Variants in GALNT13 observed in about 807,000 individuals in gnomAD.
GALNT13 encodes UDP-GalNAc:polypeptide N-acetylgalactosaminyltransferase 13.
GALNT13 carries 28 observed loss-of-function variants against 64.2 expected under a neutral mutation model. The ratio of observed to expected loss-of-function variants is 0.44; its 90% CI spans 0.32 to 0.60. GALNT13 has a LOEUF of 0.60. Among genes scored for constraint, GALNT13 ranks in the 20% least tolerant of loss-of-function variants. GALNT13 has a pLI of 0.05. For missense variants in GALNT13, 577 were observed against 669.8 expected (o/e 0.86, Z 1.53); for synonymous variants, 214 against 224.6 (o/e 0.95, Z 0.42).
At chr2:153,208,973 CTTTT>C in the GALNT13 span, among the ~76,000 whole-genome samples, 143 of 74,688 alleles carry the variant, frequency 1.9e-3, 5 homozygotes, top group African/African-American at 7.3e-3. Context: ...TGGTTTTGGT[CTTTT>C]TTTTTTTTTT....
At chr2:153,402,012 C>A in the GALNT13 span, among the ~76,000 whole-genome samples, 1 of 145,644 alleles carries the variant, frequency 6.9e-6, no homozygotes, top group African/African-American at 2.6e-5. Flanking sequence ...GATGCAGTTT[C>A]TTCCTAGTCT....
At chr2:154,342,407 C>CTG (rs1695820871) in intron 9 of GALNT13, among the ~76,000 whole-genome samples, 1 of 152,022 alleles carries the variant, frequency 6.6e-6, no homozygotes, top group Admixed American at 6.6e-5. Context: ...CTCTAAATTT[C>CTG]AGTATATGTG....
the GALNT13 span, among the ~76,000 whole-genome samples, chr2:153,780,089 C>T: frequency 6.6e-6 from 1 of 151,764 alleles, no homozygotes; most frequent in Non-Finnish European, 1.5e-5. Context: ...TGAATACACT[C>T]TTATAAAGTA....
intron 2 of GALNT13, among the ~76,000 whole-genome samples, chr2:153,903,002 A>G (rs1441713368): frequency 6.6e-6 from 1 of 152,100 alleles, no homozygotes; most frequent in East Asian, 1.9e-4. Context: ...TCAGAGAAAC[A>G]TATTTTGTTT....
At chr2:153,129,305 C>T in the GALNT13 span, among the ~76,000 whole-genome samples, 1 of 152,144 alleles carries the variant, frequency 6.6e-6, no homozygotes, top group Non-Finnish European at 1.5e-5. Flanking sequence ...TCTAGTAGCC[C>T]TTGTGCAAGG....
the GALNT13 span, among the ~76,000 whole-genome samples, chr2:153,719,845 G>T: frequency 6.6e-6 from 1 of 151,908 alleles, no homozygotes; most frequent in South Asian, 2.1e-4. Context: ...TAGCACAGCA[G>T]TCTGAGATCA....
chr2:154,033,441 A>G (rs1698466141), intron 3 of GALNT13, among the ~76,000 whole-genome samples: 2 of 152,114 alleles, frequency 1.3e-5, no homozygotes, highest in South Asian at 2.1e-4. Context: ...TATTCAGAAT[A>G]TATAAAGAAC....
At chr2:153,246,712 A>T in the GALNT13 span, among the ~76,000 whole-genome samples, 3 of 151,936 alleles carry the variant, frequency 2.0e-5, no homozygotes, top group Admixed American at 1.3e-4. Flanking sequence ...TATAAAGACC[A>T]ATGACACCAT....
At chr2:153,457,747 TCTC>T in the GALNT13 span, among the ~76,000 whole-genome samples, 1 of 152,228 alleles carries the variant, frequency 6.6e-6, no homozygotes, top group South Asian at 2.1e-4. Flanking sequence ...TTTTCTGTGT[TCTC>T]CTAATGCTTT....
At chr2:153,152,015 A>G in the GALNT13 span, among the ~76,000 whole-genome samples, 2 of 151,628 alleles carry the variant, frequency 1.3e-5, no homozygotes, top group Admixed American at 1.3e-4. Context: ...ATGTTGGCCA[A>G]CTCTGGTAGT....
chr2:154,258,947 C>A (rs1443527443), intron 7 of GALNT13, 74 bp from the exon 8 acceptor site: 2 of 730,700 alleles, frequency 2.7e-6, no homozygotes, highest in Admixed American at 2.5e-5. Context: ...CTCAAAAATA[C>A]GTGCTACAGT....
At chr2:153,837,792 G>A in the GALNT13 span, among the ~76,000 whole-genome samples, 1 of 152,012 alleles carries the variant, frequency 6.6e-6, no homozygotes, top group Admixed American at 6.6e-5. Flanking sequence ...CCCAGAAATA[G>A]GTTTGCTGGA....
the GALNT13 span, among the ~76,000 whole-genome samples, chr2:153,532,953 T>C: frequency 6.6e-6 from 1 of 152,232 alleles, no homozygotes; most frequent in Non-Finnish European, 1.5e-5. Context: ...AGGGGATGGA[T>C]ATTCTATTCT....
chr2:153,595,224 A>G, the GALNT13 span, among the ~76,000 whole-genome samples: 4 of 151,988 alleles, frequency 2.6e-5, no homozygotes, highest in African/African-American at 9.7e-5. Context: ...ACAAAATCAA[A>G]AGAAGAAAAT....
chr2:153,574,031 G>A, the GALNT13 span, among the ~76,000 whole-genome samples: 1 of 151,416 alleles, frequency 6.6e-6, no homozygotes, highest in Non-Finnish European at 1.5e-5. Flanking sequence ...TAGGCCTGGT[G>A]TTGATAAAAT....
chr2:154,153,846 T>C (rs955180200), intron 4 of GALNT13, among the ~76,000 whole-genome samples: 30 of 152,214 alleles, frequency 2.0e-4, no homozygotes, highest in Admixed American at 2.0e-3. Flanking sequence ...CCCCTTTCTT[T>C]GACTAGGAAA....
intron 11 of GALNT13, among the ~76,000 whole-genome samples, chr2:154,421,123 T>G (rs1204493829): frequency 1.3e-5 from 2 of 152,214 alleles, no homozygotes; most frequent in Admixed American, 6.5e-5. Context: ...TAGGCAATAC[T>G]AATACTTTAT....
At chr2:153,080,605 A>G in the GALNT13 span, among the ~76,000 whole-genome samples, 8 of 152,114 alleles carry the variant, frequency 5.3e-5, no homozygotes, top group Admixed American at 4.6e-4. Context: ...TATATTATCT[A>G]TTGAAGTTTA....
At chr2:153,254,254 G>C in the GALNT13 span, among the ~76,000 whole-genome samples, 2 of 151,834 alleles carry the variant, frequency 1.3e-5, no homozygotes, top group African/African-American at 4.8e-5. Flanking sequence ...GTTTATTTGC[G>C]TAGAGGTATT....
Sources: gnomAD v4.1 joint callset for allele counts (sites outside exome capture counted in the v4.1 genomes callset) on GRCh38, gnomAD v4.1.1 for gene constraint, MANE v1.5 for transcripts, NCBI Gene and HGNC (gene_info 2026-07-23, HGNC 2026-07-21) for gene names.